The following KALRN variants were observed in gnomAD, a reference collection of about 807,000 sequenced individuals.
KALRN encodes the protein kalirin.
Under a neutral mutation model 353.7 loss-of-function variants are expected in KALRN, and 70 were observed. The ratio of observed to expected loss-of-function variants is 0.20; its 90% CI spans 0.16 to 0.24. The LOEUF (loss-of-function observed/expected upper bound fraction) is 0.24. Ranked by LOEUF, KALRN falls within the 10% of genes least tolerant of loss-of-function variation. The pLI is 1.00. For synonymous variants in KALRN, 1,391 were observed against 1,434.8 expected (o/e 0.97, Z 0.69); for missense variants, 2,791 against 3,756.7 (o/e 0.74, Z 6.72).
intron 6 of KALRN, among the ~76,000 whole-genome samples, chr3:124,301,450 A>G (rs889918529): frequency 1.3e-5 from 2 of 152,204 alleles, no homozygotes; most frequent in African/African-American, 4.8e-5. Flanking sequence ...CACAGCACTC[A>G]GAGGCTTCCT....
At chr3:124,091,036 C>T (rs1393770412) in intron 1 of KALRN, among the ~76,000 whole-genome samples, 1 of 152,192 alleles carries the variant, frequency 6.6e-6, no homozygotes, top group East Asian at 1.9e-4. Flanking sequence ...GAGAGACTGG[C>T]AGGGGTCCAA....
intron 1 of KALRN, among the ~76,000 whole-genome samples, chr3:124,192,944 AC>A (rs1363662162): frequency 1.3e-5 from 2 of 152,356 alleles, no homozygotes; most frequent in Middle Eastern, 3.4e-3. Flanking sequence ...TAACTATTAA[AC>A]TAGGCATTGT....
chr3:124,218,564 T>C (rs946228706), intron 1 of KALRN, among the ~76,000 whole-genome samples: 1 of 152,210 alleles, frequency 6.6e-6, no homozygotes, highest in Admixed American at 6.5e-5. Context: ...CTATCACCAC[T>C]ACCTGTGATG....
At chr3:124,333,939 A>G (rs2080862556) in intron 8 of KALRN, among the ~76,000 whole-genome samples, 1 of 152,190 alleles carries the variant, frequency 6.6e-6, no homozygotes, top group Non-Finnish European at 1.5e-5. Flanking sequence ...ACTGTGTGCC[A>G]GGCACTGTTT....
In KALRN at chr3:124,326,114, G is replaced by T; in HGVS notation, c.1227G>T (p.Leu409=). The change falls in exon 7 of 60, where the codon CTG becomes CTT. Residue 409 remains leucine, a synonymous_variant. Coordinates refer to ENST00000682506, the MANE Select transcript of KALRN (RefSeq NM_001388419.1). ...AGTGGAAGAGCTTCGCTGCTGCCCT[G>T]GATGAACGCAGCACCATCCTCGCCA... ...DQEWKSFAAA[L]DERSTILAMS... 2 of 1,613,820 alleles carry T rather than the reference G, an allele frequency of 1.2e-6. No individual in the cohort carries two copies. Among genetic ancestry groups the T allele is most frequent in the Non-Finnish European group, 8.5e-7 (1 of 1,179,810 alleles).
At chr3:124,264,248 C>T (rs775998679) in intron 3 of KALRN, among the ~76,000 whole-genome samples, 7 of 152,076 alleles carry the variant, frequency 4.6e-5, no homozygotes, top group Admixed American at 2.6e-4. Flanking sequence ...ACTCAACCTG[C>T]GTAAGAAAGG....
intron 3 of KALRN, among the ~76,000 whole-genome samples, chr3:124,260,829 A>G (rs367550392): frequency 6.7e-6 from 1 of 150,066 alleles, no homozygotes; most frequent in African/African-American, 2.4e-5. Flanking sequence ...TCAATATGCC[A>G]TGCTCTTTTG....
At chr3:124,691,825 G>A (rs11707172) in intron 51 of KALRN, among the ~76,000 whole-genome samples, 40,241 of 152,040 alleles carry the variant, frequency 0.26, 5,819 homozygotes, top group East Asian at 0.55. Context: ...AGTGCTGCTC[G>A]TGGTTGATTT....
At chr3:124,679,591 C>A in intron 51 of KALRN, 74 bp downstream of exon 51, 2 of 1,207,620 alleles carry the variant, frequency 1.7e-6, no homozygotes, top group Non-Finnish European at 2.5e-6. Context: ...AGTGACCTTG[C>A]TAAAATGACC....
chr3:124,670,007 T>C (rs1215815396), intron 47 of KALRN, among the ~76,000 whole-genome samples: 2 of 150,860 alleles, frequency 1.3e-5, no homozygotes, highest in African/African-American at 4.9e-5. Flanking sequence ...TCTCGCTCTG[T>C]CGCCCAGGCT....
chr3:124,155,748 A>G (rs2068887849), intron 1 of KALRN, among the ~76,000 whole-genome samples: 1 of 152,182 alleles, frequency 6.6e-6, no homozygotes, highest in African/African-American at 2.4e-5. Context: ...TACTTTGTCT[A>G]ATACCAGTTC....
chr3:124,079,195 G>A (rs778488826), intron 1 of KALRN, among the ~76,000 whole-genome samples: 20 of 152,128 alleles, frequency 1.3e-4, no homozygotes, highest in Non-Finnish European at 2.1e-4. Context: ...AAGCAGAGGG[G>A]ATTTTTGCAT....
rs571936259 is a variant in KALRN, at chr3:124,528,292, T to C, written c.4935+31879T>C. 2.6e-5 allele frequency among the ~76,000 whole-genome samples: 4 copies of C among 152,320 alleles called. No individual in the cohort carries two copies. In the East Asian group the frequency reaches 5.8e-4, roughly 22 times the overall value. On this transcript the variant is annotated intron_variant, in intron 33 of 59. Transcript: ENST00000682506. Reference sequence around the variant, plus strand: ...GGGACCCAGTGAAGAGGTGCAGGAATTCCTGTTACGGTCTTTGGATAATAA... The same window carrying C: ...GGGACCCAGTGAAGAGGTGCAGGAACTCCTGTTACGGTCTTTGGATAATAA...
intron 3 of KALRN, among the ~76,000 whole-genome samples, chr3:124,235,692 G>A (rs1468542690): frequency 6.6e-6 from 1 of 152,222 alleles, no homozygotes; most frequent in African/African-American, 2.4e-5. Flanking sequence ...CCTGAGTCCA[G>A]CCCCGGTGCT....
chr3:124,567,896 G>T (rs1463024028), intron 34 of KALRN, among the ~76,000 whole-genome samples: 1 of 152,110 alleles, frequency 6.6e-6, no homozygotes, highest in Non-Finnish European at 1.5e-5. Context: ...GATTGCTTGA[G>T]CCTGAGGGTT....
intron 7 of KALRN, among the ~76,000 whole-genome samples, chr3:124,327,659 A>G (rs1404420631): frequency 6.6e-6 from 1 of 152,184 alleles, no homozygotes; most frequent in African/African-American, 2.4e-5. Context: ...AAATCACACA[A>G]TCTATGAGTA....
rs544815345 is a variant in KALRN at position 124,192,681 on chromosome 3, A to G, written c.74-35309A>G. ...TATGTACCCACAAAAATAAAAATAA[A>G]AAAGGGGATATTGTACCTACAAAGA... On this transcript the variant is annotated intron_variant, in intron 1 of 59. Coordinates refer to ENST00000682506, the MANE Select transcript of KALRN (RefSeq NM_001388419.1). 4.8e-4 allele frequency among the ~76,000 whole-genome samples: 73 copies of G among 152,298 alleles called. 1 individual carries two copies. The highest frequency in any genetic ancestry group is 1.7e-3 in the African/African-American group (72 of 41,562).
intron 8 of KALRN, among the ~76,000 whole-genome samples, chr3:124,332,037 T>A (rs2080618685): frequency 6.6e-6 from 1 of 152,114 alleles, no homozygotes; most frequent in African/African-American, 2.4e-5. Flanking sequence ...TATAGGATAT[T>A]TGTCTTATTT....
chr3:124,219,788 A>G (rs114709914), intron 1 of KALRN, among the ~76,000 whole-genome samples: 1,619 of 152,204 alleles, frequency 0.011, 26 homozygotes, highest in African/African-American at 0.037. Context: ...CACTGCGCAC[A>G]GGTAGATTTT....
Sources: allele counts gnomAD v4.1 joint callset (sites outside exome capture counted in the v4.1 genomes callset), GRCh38; gene constraint gnomAD v4.1.1; transcripts MANE v1.5; gene names NCBI Gene and HGNC (gene_info 2026-07-23, HGNC 2026-07-21).